DENND1B: variants seen among roughly 807,000 people sequenced by gnomAD.
The protein encoded by DENND1B is DENN domain containing 1B.
Under a neutral mutation model 90.1 loss-of-function variants are expected in DENND1B, and 59 were observed. That is an observed-to-expected ratio of 0.65 (90% CI 0.53 to 0.81). The LOEUF (loss-of-function observed/expected upper bound fraction) is 0.81, where lower values mean the gene tolerates loss of function less well. DENND1B is among the 40% of genes least tolerant of loss of function. DENND1B has a pLI of 0.00. For missense variants in DENND1B, 862 were observed against 912.6 expected (o/e 0.94, Z 0.71); for synonymous variants, 337 against 324.6 (o/e 1.04, Z -0.41).
chr1:197,672,759 T>C lies in DENND1B; in HGVS notation c.177-603A>G, dbSNP rs140847993. Among the ~76,000 whole-genome samples the C allele has an allele frequency of 6.1e-3, 932 of 152,108 alleles. 10 individuals carry two copies. Among genetic ancestry groups the C allele is most frequent in the African/African-American group, 0.021 (864 of 41,530 alleles). On this transcript the variant is annotated intron_variant, in intron 4 of 22. Coordinates refer to ENST00000620048, the MANE Select transcript of DENND1B (RefSeq NM_001195215.2). ...AATAAGAATATAATTTCTACCAAAATAAAAGGCTTATCAGCTAAGCTGTAA... is the reference window on the plus strand; with the variant it reads ...AATAAGAATATAATTTCTACCAAAACAAAAGGCTTATCAGCTAAGCTGTAA...
intron 21 of DENND1B, among the ~76,000 whole-genome samples, chr1:197,512,283 T>G (rs1334658683): frequency 6.6e-6 from 1 of 151,738 alleles, no homozygotes; most frequent in African/African-American, 2.4e-5. Flanking sequence ...CTTTCAATAT[T>G]TAATATGGTT....
In DENND1B at chr1:197,510,508, T is replaced by C. The variant is rs1667946594; in HGVS notation, c.2280A>G (p.Gln760=). Residue 760 remains glutamine (Q), a synonymous_variant, in exon 23 of 23, where the codon CAA becomes CAG. Transcript: ENST00000620048. ...TTTTGTCTGAAATGTTCAAGCTTTG[T>C]TGGAAGTCAGATGTCATATGACATA... is the stretch of plus-strand genomic sequence containing the variant. ...VSLCHMTSDF[Q]QSLNISDKNT... is the part of the protein sequence containing the mutation. The C allele has an allele frequency of 3.7e-6, 6 of 1,611,426 alleles. No individual in the cohort carries two copies. Among genetic ancestry groups the C allele is most frequent in the Non-Finnish European group, 5.1e-6 (6 of 1,178,562 alleles).
intron 15 of DENND1B, among the ~76,000 whole-genome samples, chr1:197,553,413 T>C (rs572795306): frequency 6.6e-6 from 1 of 152,184 alleles, no homozygotes; most frequent in African/African-American, 2.4e-5. Context: ...TCATAGGCTC[T>C]GGATAGGTTG....
At chr1:197,707,722 G>A (rs1659728586) in intron 3 of DENND1B, among the ~76,000 whole-genome samples, 1 of 147,672 alleles carries the variant, frequency 6.8e-6, no homozygotes. Flanking sequence ...TCAGAGGGAG[G>A]AGCCAAGATG....
At chr1:197,746,913 G>C in intron 2 of DENND1B, 1 of 1,588,130 alleles carries the variant, frequency 6.3e-7, no homozygotes, top group Non-Finnish European at 8.6e-7. Context: ...CCAAGCTCTC[G>C]AGTAGCTAGC....
chr1:197,538,643 C>T (rs1043804334), intron 20 of DENND1B, among the ~76,000 whole-genome samples: 5 of 145,306 alleles, frequency 3.4e-5, no homozygotes, highest in Non-Finnish European at 7.5e-5. Flanking sequence ...TGATGAATGA[C>T]TGAATTAATG....
At chr1:197,514,529 C>A (rs571659841) in intron 20 of DENND1B, among the ~76,000 whole-genome samples, 1 of 151,544 alleles carries the variant, frequency 6.6e-6, no homozygotes, top group East Asian at 2.0e-4. Flanking sequence ...GAAATATTCC[C>A]AGATTAAATG....
chr1:197,569,563 T>TAC (rs4026518), intron 15 of DENND1B, among the ~76,000 whole-genome samples: 23,668 of 147,920 alleles, frequency 0.16, 1,871 homozygotes, highest in Non-Finnish European at 0.17. Context: ...AAATGTGGTA[T>TAC]ACACACACAC....
chr1:197,609,066 T>C (rs539559815), intron 12 of DENND1B, among the ~76,000 whole-genome samples: 1 of 150,412 alleles, frequency 6.6e-6, no homozygotes, highest in African/African-American at 2.4e-5. Flanking sequence ...TAAATAGGCA[T>C]TGGAAGTCAT....
At chr1:197,639,185 T>A (rs2125912903) in intron 10 of DENND1B, among the ~76,000 whole-genome samples, 1 of 152,134 alleles carries the variant, frequency 6.6e-6, no homozygotes, top group East Asian at 1.9e-4. Flanking sequence ...TGCCTCAGCC[T>A]CCCGAGTAGC....
chr1:197,597,012 G>A (rs141087021), intron 13 of DENND1B, among the ~76,000 whole-genome samples: 2 of 151,968 alleles, frequency 1.3e-5, no homozygotes, highest in African/African-American at 4.8e-5. Flanking sequence ...CCTTTGCAGT[G>A]TAGGTCTTCT....
At chr1:197,743,469 T>C (rs1663407247) in intron 2 of DENND1B, among the ~76,000 whole-genome samples, 1 of 152,214 alleles carries the variant, frequency 6.6e-6, no homozygotes, top group African/African-American at 2.4e-5. Flanking sequence ...CTTCAGCAAG[T>C]TGTAATCTTT....
chr1:197,603,888 A>G (rs961480214), intron 13 of DENND1B, among the ~76,000 whole-genome samples: 34 of 151,372 alleles, frequency 2.2e-4, no homozygotes, highest in Admixed American at 5.9e-4. Flanking sequence ...AAATCAAGTC[A>G]TTTGAGATTT....
intron 18 of DENND1B, 120 bp downstream of exon 18, chr1:197,545,802 A>T: frequency 2.4e-6 from 2 of 849,662 alleles, no homozygotes; most frequent in Admixed American, 3.3e-5. Flanking sequence ...TATTAATCCT[A>T]ATTTTTTTTT....
chr1:197,655,051 A>C (rs1361087251), intron 6 of DENND1B, among the ~76,000 whole-genome samples: 1 of 152,206 alleles, frequency 6.6e-6, no homozygotes, highest in Non-Finnish European at 1.5e-5. Context: ...TAAAGAAATA[A>C]ATGATTGTAT....
chr1:197,655,829 G>A (rs1653762798), intron 6 of DENND1B, among the ~76,000 whole-genome samples: 1 of 152,094 alleles, frequency 6.6e-6, no homozygotes, highest in Admixed American at 6.6e-5. Context: ...ACCGCGCCCG[G>A]CCCATTAACT....
chr1:197,565,830 T>C (rs1672603658), intron 15 of DENND1B, among the ~76,000 whole-genome samples: 1 of 150,228 alleles, frequency 6.7e-6, no homozygotes, highest in Non-Finnish European at 1.5e-5. Flanking sequence ...CATCATTTTT[T>C]ATGGCTGCAT....
At chr1:197,529,274 GTATA>G in intron 20 of DENND1B, among the ~76,000 whole-genome samples, 1 of 116,296 alleles carries the variant, frequency 8.6e-6, no homozygotes, top group South Asian at 2.7e-4. Flanking sequence ...GTGTGTATAT[GTATA>G]TATGTATATA....
chr1:197,706,735 A>C (rs996703289), intron 3 of DENND1B, among the ~76,000 whole-genome samples: 2 of 152,172 alleles, frequency 1.3e-5, no homozygotes, highest in African/African-American at 4.8e-5. Context: ...TTATCATCTC[A>C]CCCCAGTTAC....
Sources: allele counts gnomAD v4.1 joint callset (sites outside exome capture counted in the v4.1 genomes callset), GRCh38; gene constraint gnomAD v4.1.1; transcripts MANE v1.5; gene names NCBI Gene and HGNC (gene_info 2026-07-23, HGNC 2026-07-21).